Variants in ENOX1 observed in about 807,000 individuals in gnomAD.
ENOX1 encodes candidate growth-related and time keeping constitutive hydroquinone (NADH) oxidase.
In ENOX1, 42 loss-of-function variants were observed where a neutral mutation model predicts 82.5. The observed-to-expected ratio is 0.51, with a 90% CI of 0.40 to 0.66. The LOEUF (loss-of-function observed/expected upper bound fraction) is 0.66. ENOX1 is among the 30% of genes least tolerant of loss of function. The probability of loss-of-function intolerance (pLI) is 0.00; values close to 1 mark genes in which losing one functional copy is unlikely to be tolerated. For missense variants in ENOX1, 608 were observed against 811.6 expected (o/e 0.75, Z 3.05); for synonymous variants, 271 against 282.2 (o/e 0.96, Z 0.40).
intron 14 of ENOX1, among the ~76,000 whole-genome samples, chr13:43,237,678 G>A (rs908982430): frequency 3.3e-5 from 5 of 152,180 alleles, no homozygotes; most frequent in African/African-American, 1.2e-4. Flanking sequence ...CCCTAGAACT[G>A]GAAGTGGTTA....
chr13:43,485,686 C>T (rs764683246), intron 2 of ENOX1, among the ~76,000 whole-genome samples: 3 of 152,176 alleles, frequency 2.0e-5, no homozygotes, highest in Non-Finnish European at 2.9e-5. Flanking sequence ...AGACTTGAAC[C>T]AATGGATCTA....
chr13:43,597,831 A>T (rs187181076), intron 2 of ENOX1, among the ~76,000 whole-genome samples: 1 of 152,094 alleles, frequency 6.6e-6, no homozygotes, highest in South Asian at 2.1e-4. Flanking sequence ...TCTGGCCCAC[A>T]GTCTTCTCTA....
At chr13:43,477,603 G>A (rs548260156) in intron 3 of ENOX1, among the ~76,000 whole-genome samples, 1 of 152,246 alleles carries the variant, frequency 6.6e-6, no homozygotes, top group East Asian at 1.9e-4. Context: ...TTTGGCAAAT[G>A]AATGGTCATT....
chr13:43,516,175 CA>C (rs1303552146), intron 2 of ENOX1, among the ~76,000 whole-genome samples: 1 of 151,916 alleles, frequency 6.6e-6, no homozygotes, highest in Admixed American at 6.6e-5. Flanking sequence ...CAGAATTTAC[CA>C]AAAGTTTCTG....
chr13:43,541,940 T>C (rs1759948641), intron 2 of ENOX1, among the ~76,000 whole-genome samples: 1 of 152,146 alleles, frequency 6.6e-6, no homozygotes, highest in African/African-American at 2.4e-5. Flanking sequence ...ATAAAAGTTA[T>C]GTCAAAAGAA....
intron 2 of ENOX1, among the ~76,000 whole-genome samples, chr13:43,507,372 A>G (rs2077211674): frequency 6.6e-6 from 1 of 152,132 alleles, no homozygotes; most frequent in Non-Finnish European, 1.5e-5. Flanking sequence ...ATAACCAGAT[A>G]TGTTTTTGTA....
intron 2 of ENOX1, among the ~76,000 whole-genome samples, chr13:43,629,504 T>G (rs2083114383): frequency 6.6e-6 from 1 of 152,208 alleles, no homozygotes; most frequent in Non-Finnish European, 1.5e-5. Flanking sequence ...CAGAATCTTG[T>G]GTTTGTTCTA....
intron 2 of ENOX1, among the ~76,000 whole-genome samples, chr13:43,644,988 G>C (rs905410005): frequency 5.3e-5 from 8 of 151,850 alleles, no homozygotes; most frequent in African/African-American, 1.9e-4. Flanking sequence ...GGCAGTGATA[G>C]GTCTGTAATA....
chr13:43,364,891 G>C (rs2050751823), intron 5 of ENOX1, among the ~76,000 whole-genome samples: 3 of 152,184 alleles, frequency 2.0e-5, no homozygotes, highest in African/African-American at 2.4e-5. Context: ...TGCTGGGAGA[G>C]AGCCTGGTAG....
rs550522583 is a variant in ENOX1 at position 43,588,464 on chromosome 13, A to G, written c.-219+79015T>C. On this transcript the variant is annotated intron_variant, in intron 2 of 16. Coordinates refer to ENST00000690772, the MANE Select transcript of ENOX1 (RefSeq NM_001347969.2). ...ATGTGAGTGTGGCTGAGAAATCCAT[A>G]TAACCCTTAAAAAAATAATGAATAA... Among the ~76,000 whole-genome samples, 18 of 152,342 alleles carry G rather than the reference A, an allele frequency of 1.2e-4. No individual in the cohort carries two copies. The South Asian group carries it at 3.5e-3, about 30-fold the overall frequency.
intron 1 of ENOX1, among the ~76,000 whole-genome samples, chr13:43,758,772 T>G (rs1266571376): frequency 6.6e-6 from 1 of 152,244 alleles, no homozygotes; most frequent in Admixed American, 6.5e-5. Flanking sequence ...AAATAGGACT[T>G]AATGAGGCTT....
intron 1 of ENOX1, among the ~76,000 whole-genome samples, chr13:43,676,120 G>A (rs1281580322): frequency 6.6e-6 from 1 of 152,138 alleles, no homozygotes; most frequent in Non-Finnish European, 1.5e-5. Context: ...AAACACTCAT[G>A]CCCAGGAATC....
At chr13:43,389,268 G>A (rs1379269598) in intron 5 of ENOX1, among the ~76,000 whole-genome samples, 2 of 152,160 alleles carry the variant, frequency 1.3e-5, no homozygotes, top group South Asian at 4.1e-4. Context: ...GATACTAACT[G>A]CAGAGTTATT....
chr13:43,298,219 A>T, intron 12 of ENOX1, 127 bp downstream of exon 12: 1 of 972,606 alleles, frequency 1.0e-6, no homozygotes, highest in Non-Finnish European at 1.5e-6. Context: ...TTTCTGTCCT[A>T]GTAACATAGC....
At chr13:43,399,208 G>T (rs2053345390) in intron 5 of ENOX1, among the ~76,000 whole-genome samples, 2 of 152,012 alleles carry the variant, frequency 1.3e-5, no homozygotes, top group Non-Finnish European at 2.9e-5. Flanking sequence ...CTATTATAAG[G>T]CTTTTGGATA....
intron 1 of ENOX1, among the ~76,000 whole-genome samples, chr13:43,782,886 T>G (rs542390157): frequency 6.6e-6 from 1 of 152,310 alleles, no homozygotes; most frequent in East Asian, 1.9e-4. Context: ...AGATGACTCA[T>G]CTTCCACTAA....
chr13:43,722,346 T>C (rs1287780885), intron 1 of ENOX1, among the ~76,000 whole-genome samples: 2 of 152,040 alleles, frequency 1.3e-5, no homozygotes, highest in Non-Finnish European at 2.9e-5. Context: ...CTTCTAACAG[T>C]TAAATGTTCA....
intron 9 of ENOX1, among the ~76,000 whole-genome samples, chr13:43,337,788 G>C (rs984040706): frequency 3.9e-5 from 6 of 151,914 alleles, no homozygotes. Context: ...ACTGTACAAG[G>C]AGCCAAGAGT....
chr13:43,396,683 G>A (rs2053173859), intron 5 of ENOX1, among the ~76,000 whole-genome samples: 1 of 152,116 alleles, frequency 6.6e-6, no homozygotes, highest in South Asian at 2.1e-4. Context: ...TCCCGGCCAA[G>A]ATTACCTTAA....
Sources: allele counts gnomAD v4.1 joint callset (sites outside exome capture counted in the v4.1 genomes callset), GRCh38; gene constraint gnomAD v4.1.1; transcripts MANE v1.5; gene names NCBI Gene and HGNC (gene_info 2026-07-23, HGNC 2026-07-21).